PLCB4: variants seen among roughly 807,000 people sequenced by gnomAD.
PLCB4 encodes 1-phosphatidylinositol 4,5-bisphosphate phosphodiesterase beta-4.
A neutral mutation model predicts 178.8 loss-of-function variants in PLCB4; 77 were observed. The ratio of observed to expected loss-of-function variants is 0.43; its 90% confidence interval spans 0.36 to 0.52. The LOEUF (loss-of-function observed/expected upper bound fraction) is 0.52, where lower values mean the gene tolerates loss of function less well. Among genes scored for constraint, PLCB4 ranks in the 20% least tolerant of loss-of-function variants. The pLI is 0.00. For synonymous variants in PLCB4, 496 were observed against 490.8 expected (o/e 1.01, Z -0.14); for missense variants, 1,024 against 1,453.4 (o/e 0.70, Z 4.80).
chr20:9,280,422 C>T, intron 3 of PLCB4: 1 of 981,628 alleles, frequency 1.0e-6, no homozygotes, highest in Non-Finnish European at 1.2e-6. Flanking sequence ...ATTGTGTTCT[C>T]CACTTCGATC....
At chr20:9,231,677 A>G (rs1222072170) in intron 3 of PLCB4, among the ~76,000 whole-genome samples, 1 of 152,154 alleles carries the variant, frequency 6.6e-6, no homozygotes, top group Non-Finnish European at 1.5e-5. Context: ...TTTCAGTATT[A>G]AAGTTTTATA....
chr20:9,182,165 C>T (rs545188365), intron 2 of PLCB4, among the ~76,000 whole-genome samples: 2 of 152,072 alleles, frequency 1.3e-5, no homozygotes, highest in Non-Finnish European at 2.9e-5. Flanking sequence ...ATAAGAATTA[C>T]CTTGTTGAAG....
At chr20:9,236,293 CT>C (rs1252447562) in intron 3 of PLCB4, among the ~76,000 whole-genome samples, 1 of 152,178 alleles carries the variant, frequency 6.6e-6, no homozygotes, top group Non-Finnish European at 1.5e-5. Context: ...TTCTCCACCC[CT>C]CCAACCCTGC....
At position 9,276,197 on chromosome 20, in the gene PLCB4, G is replaced by A. The variant is rs551747100; in HGVS notation, c.-15-31603G>A. The stretch of plus-strand genomic sequence containing the variant: ...GTTGATGCAACTGCCACATGTTTTC[G>A]TTTATTCAGGAATCCAGGCTGATGA... On this transcript the variant is annotated intron_variant, in intron 3 of 39. Transcript: ENST00000378473. Among the ~76,000 whole-genome samples the A allele has an allele frequency of 5.9e-5, 9 of 152,160 alleles. No homozygotes were observed. The South Asian group carries it at 1.5e-3, about 25-fold the overall frequency.
intron 30 of PLCB4, among the ~76,000 whole-genome samples, chr20:9,442,217 C>T (rs1468859606): frequency 2.0e-5 from 3 of 152,124 alleles, no homozygotes; most frequent in South Asian, 2.1e-4. Context: ...CCTTGAGTTC[C>T]TCATTCACAC....
chr20:9,244,877 A>G (rs1339754102), intron 3 of PLCB4, among the ~76,000 whole-genome samples: 1 of 152,158 alleles, frequency 6.6e-6, no homozygotes, highest in Non-Finnish European at 1.5e-5. Context: ...AATATTAAGT[A>G]TTTAGTCTTC....
At chr20:9,445,095 G>C (rs1328723797) in intron 32 of PLCB4, among the ~76,000 whole-genome samples, 1 of 152,208 alleles carries the variant, frequency 6.6e-6, no homozygotes. Flanking sequence ...TAAGAGAACA[G>C]CAGGAGGTGG....
At chr20:9,405,766 T>G (rs940055729) in intron 21 of PLCB4, among the ~76,000 whole-genome samples, 1 of 152,208 alleles carries the variant, frequency 6.6e-6, no homozygotes. Context: ...AAAGGTAAAG[T>G]TACATTTTCA....
intron 26 of PLCB4, among the ~76,000 whole-genome samples, chr20:9,420,720 C>CA (rs2040572076): frequency 6.6e-6 from 1 of 152,074 alleles, no homozygotes; most frequent in Admixed American, 6.5e-5. Context: ...ATAATGTAAA[C>CA]AAAAAACCCT....
intron 15 of PLCB4, among the ~76,000 whole-genome samples, chr20:9,388,925 A>C (rs1473250071): frequency 1.3e-5 from 2 of 152,224 alleles, no homozygotes; most frequent in African/African-American, 2.4e-5. Flanking sequence ...CCTCAATAAA[A>C]TATTTCAAGA....
intron 30 of PLCB4, among the ~76,000 whole-genome samples, chr20:9,437,617 G>A (rs1007761997): frequency 5.3e-5 from 8 of 152,204 alleles, no homozygotes; most frequent in Non-Finnish European, 1.0e-4. Flanking sequence ...GACATCCATT[G>A]ATTGGATGGT....
intron 32 of PLCB4, among the ~76,000 whole-genome samples, chr20:9,452,483 A>G (rs1261677768): frequency 6.6e-6 from 1 of 152,138 alleles, no homozygotes; most frequent in African/African-American, 2.4e-5. Context: ...CTATAACATC[A>G]AGTGTCATTT....
At position 9,222,022 on chromosome 20, in the gene PLCB4, A is replaced by G. The variant is rs1004143212; in HGVS notation, c.-16+4570A>G. On this transcript the variant is annotated intron_variant, in intron 3 of 39. Coordinates refer to ENST00000378473, the MANE Select transcript of PLCB4 (RefSeq NM_001377142.1). ...AGTGTTTCTTGGGCACCTTCTATTT[A>G]TTTATTTTATTTTGTTTTATTTTAT... Among the ~76,000 whole-genome samples the G allele has an allele frequency of 2.1e-4, 31 of 148,348 alleles. 1 individual carries two copies. The highest frequency in any genetic ancestry group is 3.6e-4 in the Non-Finnish European group (24 of 67,072).
At chr20:9,299,398 C>T (rs1328970475) in intron 3 of PLCB4, among the ~76,000 whole-genome samples, 1 of 151,944 alleles carries the variant, frequency 6.6e-6, no homozygotes, top group Non-Finnish European at 1.5e-5. Flanking sequence ...CATCAGCTAG[C>T]TGTAACTACT....
chr20:9,298,193 C>A (rs1016757541), intron 3 of PLCB4, among the ~76,000 whole-genome samples: 1 of 152,044 alleles, frequency 6.6e-6, no homozygotes, highest in Non-Finnish European at 1.5e-5. Context: ...CAGTTCCCCC[C>A]AGTTCAAGAC....
At chr20:9,296,180 A>C (rs976253615) in intron 3 of PLCB4, among the ~76,000 whole-genome samples, 2 of 152,200 alleles carry the variant, frequency 1.3e-5, no homozygotes, top group African/African-American at 4.8e-5. Flanking sequence ...AAACAGCCCC[A>C]TCAAAAAGTG....
intron 28 of PLCB4, among the ~76,000 whole-genome samples, chr20:9,427,657 ACTG>A (rs1357278943): frequency 1.3e-5 from 2 of 152,220 alleles, no homozygotes; most frequent in Admixed American, 6.5e-5. Flanking sequence ...AGTGTTAGAC[ACTG>A]CTGTAGGAGA....
intron 2 of PLCB4, among the ~76,000 whole-genome samples, chr20:9,200,455 T>G (rs1197892811): frequency 2.0e-5 from 3 of 152,194 alleles, no homozygotes; most frequent in African/African-American, 7.2e-5. Context: ...GTTCTTGCCC[T>G]GCCGTAGTCA....
chr20:9,432,564 A>G (rs967977632), intron 28 of PLCB4, among the ~76,000 whole-genome samples: 1 of 152,206 alleles, frequency 6.6e-6, no homozygotes, highest in Non-Finnish European at 1.5e-5. Flanking sequence ...AAGGGCAGAA[A>G]AGTTTAATGG....
Sources: gnomAD v4.1 joint callset for allele counts (sites outside exome capture counted in the v4.1 genomes callset) on GRCh38, gnomAD v4.1.1 for gene constraint, MANE v1.5 for transcripts, NCBI Gene and HGNC (gene_info 2026-07-23, HGNC 2026-07-21) for gene names.